SCLT1: variants seen among roughly 807,000 people sequenced by gnomAD.
The protein encoded by SCLT1 is sodium channel and clathrin linker 1.
SCLT1 carries 78 observed loss-of-function variants against 112.8 expected under a neutral mutation model. That is an observed-to-expected ratio of 0.69 (90% CI 0.58 to 0.83). The LOEUF is 0.83. SCLT1 is among the 40% of genes least tolerant of loss of function. SCLT1 has a pLI of 0.00. For missense variants in SCLT1, 747 were observed against 770.4 expected (o/e 0.97, Z 0.36); for synonymous variants, 257 against 254.7 (o/e 1.01, Z -0.09).
downstream of SCLT1, among the ~76,000 whole-genome samples, chr4:128,881,213 T>C (rs2125916542): frequency 6.6e-6 from 1 of 152,318 alleles, no homozygotes; most frequent in African/African-American, 2.4e-5. Context: ...TATGTGTATG[T>C]ATGTATGTTT....
rs987116579 is a variant in SCLT1, at chr4:129,093,417, C to G, written c.-314G>C. 4.6e-6 allele frequency: 2 copies of G among 438,726 alleles called. No individual in the cohort carries two copies. The highest frequency in any genetic ancestry group is 8.3e-6 in the Non-Finnish European group (2 of 240,170). The allele number at this position is 438,726 out of a possible 1,614,324, so 27.2% of individuals were successfully genotyped here. A position where few individuals can be genotyped will look rare whatever the true frequency, so the allele number is the denominator to read the frequency against. ...GCGGGTCACTCTGGGTCTCGTCGGGCCACCTAGGAGAGTGCCGCGGGAGCT... is the reference window on the plus strand; with the variant it reads ...GCGGGTCACTCTGGGTCTCGTCGGGGCACCTAGGAGAGTGCCGCGGGAGCT... On this transcript the variant is annotated 5_prime_UTR_variant, in exon 1 of 21. Transcript: ENST00000281142.
At chr4:128,959,869 C>T (rs1315206690) in intron 11 of SCLT1, 92 bp from the exon 12 acceptor site, 2 of 912,110 alleles carry the variant, frequency 2.2e-6, no homozygotes, top group Non-Finnish European at 3.4e-6. Flanking sequence ...AGGTATTATG[C>T]CAGTAACTTT....
At chr4:129,006,919 T>G (rs994442648) in intron 5 of SCLT1, among the ~76,000 whole-genome samples, 54 of 152,240 alleles carry the variant, frequency 3.5e-4, no homozygotes, top group African/African-American at 1.3e-3. Context: ...AAGAATCGCC[T>G]TAGTGGCAAC....
chr4:128,919,255 C>A (rs1325913022), intron 18 of SCLT1, among the ~76,000 whole-genome samples: 1 of 151,386 alleles, frequency 6.6e-6, no homozygotes, highest in Non-Finnish European at 1.5e-5. Flanking sequence ...AAATAAAAAT[C>A]AATACTAAGG....
At chr4:128,927,417 A>C (rs1235990077) in intron 18 of SCLT1, among the ~76,000 whole-genome samples, 2 of 152,032 alleles carry the variant, frequency 1.3e-5, no homozygotes, top group Non-Finnish European at 2.9e-5. Context: ...TCTACAAAAA[A>C]CACAAAACTT....
At position 128,975,597 on chromosome 4, in the gene SCLT1, G is replaced by C. The variant is rs192435595; in HGVS notation, c.687-5129C>G. 2.6e-5 allele frequency among the ~76,000 whole-genome samples: 4 copies of C among 152,164 alleles called. No homozygotes were observed. The East Asian group carries it at 5.8e-4, about 22-fold the overall frequency. On this transcript the variant is annotated intron_variant, in intron 9 of 20. Transcript: ENST00000281142. ...GCCTTTTTTGCATACAGTGAAAAAT[G>C]GTAAGATTCTCAGATATAAAAGCTA...
At chr4:128,902,142 C>T (rs1222308173) in intron 18 of SCLT1, among the ~76,000 whole-genome samples, 7 of 151,944 alleles carry the variant, frequency 4.6e-5, no homozygotes, top group Non-Finnish European at 7.4e-5. Flanking sequence ...TGGGCTCAAG[C>T]AAGCCTCCCA....
At chr4:129,070,002 T>C (rs996693601) in intron 2 of SCLT1, among the ~76,000 whole-genome samples, 1 of 152,168 alleles carries the variant, frequency 6.6e-6, no homozygotes, top group African/African-American at 2.4e-5. Flanking sequence ...TCTGCATCTA[T>C]TGAGATGATC....
chr4:128,925,547 C>T (rs1309922584), intron 18 of SCLT1, among the ~76,000 whole-genome samples: 1 of 152,124 alleles, frequency 6.6e-6, no homozygotes, highest in African/African-American at 2.4e-5. Flanking sequence ...TGGTCTCGAA[C>T]TCCTGACCTC....
chr4:129,022,220 A>C (rs1050907754), intron 5 of SCLT1, among the ~76,000 whole-genome samples: 1 of 152,164 alleles, frequency 6.6e-6, no homozygotes, highest in Non-Finnish European at 1.5e-5. Flanking sequence ...AATTCCAAAA[A>C]CCAGAATGCC....
At chr4:128,924,010 C>T (rs942729261) in intron 18 of SCLT1, among the ~76,000 whole-genome samples, 20 of 151,910 alleles carry the variant, frequency 1.3e-4, no homozygotes, top group African/African-American at 4.8e-4. Flanking sequence ...GACGAGGTCT[C>T]ACTCTGTTGC....
chr4:129,038,579 G>A (rs1016872293), intron 5 of SCLT1, among the ~76,000 whole-genome samples: 7 of 152,152 alleles, frequency 4.6e-5, no homozygotes, highest in African/African-American at 1.4e-4. Flanking sequence ...CTCTGGCAGA[G>A]AGAAAGAGAA....
intron 5 of SCLT1, among the ~76,000 whole-genome samples, chr4:129,031,222 T>C (rs989190139): frequency 1.3e-5 from 2 of 152,072 alleles, no homozygotes; most frequent in African/African-American, 4.8e-5. Context: ...CACATGATTA[T>C]CTCAATAGAT....
At position 129,020,362 on chromosome 4, in the gene SCLT1, G is replaced by A. The variant is rs370011067; in HGVS notation, c.291-16486C>T. ...AAGTAGCCTTTGCCCAGAGCCCATGGCTCTGGGGATAGCATGCACTATTCT... is the reference window on the plus strand; with the variant it reads ...AAGTAGCCTTTGCCCAGAGCCCATGACTCTGGGGATAGCATGCACTATTCT... On this transcript the variant is annotated intron_variant, in intron 5 of 20. Coordinates refer to ENST00000281142, the MANE Select transcript of SCLT1 (RefSeq NM_144643.4). 1.6e-4 allele frequency among the ~76,000 whole-genome samples: 25 copies of A among 152,290 alleles called. No homozygotes were observed. The East Asian group carries it at 1.7e-3, about 11-fold the overall frequency.
Position 129,020,860 on chromosome 4 carries a change from A to G in SCLT1, c.291-16984T>C, listed in dbSNP as rs531005075. 7.9e-5 allele frequency among the ~76,000 whole-genome samples: 12 copies of G among 152,292 alleles called. No individual in the cohort carries two copies. The South Asian group carries it at 1.0e-3, about 13-fold the overall frequency. Reference sequence around the variant, plus strand: ...GTTTAATGTATACCAAGCACTGTTCAGTGGTGGTAGGTATAGAGTGGTAGA... The same window carrying G: ...GTTTAATGTATACCAAGCACTGTTCGGTGGTGGTAGGTATAGAGTGGTAGA... On this transcript the variant is annotated intron_variant, in intron 5 of 20. Coordinates refer to ENST00000281142, the MANE Select transcript of SCLT1 (RefSeq NM_144643.4).
chr4:128,878,952 T>A (rs868698464), intron 3 of SCLT1, among the ~76,000 whole-genome samples: 1 of 125,430 alleles, frequency 8.0e-6, no homozygotes, highest in African/African-American at 3.1e-5. Flanking sequence ...GTAGTGCCAG[T>A]CAGAAAGGGA....
At chr4:129,031,048 A>C (rs1746674111) in intron 5 of SCLT1, among the ~76,000 whole-genome samples, 1 of 152,158 alleles carries the variant, frequency 6.6e-6, no homozygotes, top group African/African-American at 2.4e-5. Context: ...ATGAACATCG[A>C]TGCAAAAATC....
At chr4:129,030,206 T>G (rs192831265) in intron 5 of SCLT1, among the ~76,000 whole-genome samples, 18 of 152,280 alleles carry the variant, frequency 1.2e-4, no homozygotes, top group Non-Finnish European at 7.3e-5. Flanking sequence ...TGTTCCTGAA[T>G]GACTACTGCG....
At chr4:128,928,375 A>G (rs1736470614) in intron 18 of SCLT1, among the ~76,000 whole-genome samples, 1 of 152,158 alleles carries the variant, frequency 6.6e-6, no homozygotes, top group African/African-American at 2.4e-5. Context: ...ATTCTAACAA[A>G]TCAAATCCAG....
Sources: gnomAD v4.1 joint callset for allele counts (sites outside exome capture counted in the v4.1 genomes callset) on GRCh38, gnomAD v4.1.1 for gene constraint, MANE v1.5 for transcripts, NCBI Gene and HGNC (gene_info 2026-07-23, HGNC 2026-07-21) for gene names.